PPEF1: variants seen among roughly 807,000 people sequenced by gnomAD.
PPEF1 encodes serine/threonine-protein phosphatase with EF-hands 1.
A neutral mutation model predicts 53.3 loss-of-function variants in PPEF1; 12 were observed. The observed-to-expected ratio is 0.23, with a 90% confidence interval of 0.14 to 0.36. The LOEUF is 0.36. PPEF1 is among the 10% of genes least tolerant of loss of function. The pLI is 1.00. For synonymous variants in PPEF1, 165 were observed against 176.7 expected (o/e 0.93, Z 0.52); for missense variants, 334 against 490.4 (o/e 0.68, Z 3.01).
intron 2 of PPEF1, among the ~76,000 whole-genome samples, chrX:18,730,898 A>G (rs755833569): frequency 9.0e-6 from 1 of 111,049 alleles, no homozygotes; most frequent in Non-Finnish European, 1.9e-5. Flanking sequence ...AATTTTTAGT[A>G]GAGACAGGGT....
chrX:18,820,680 T>C (rs977149686), intron 13 of PPEF1, among the ~76,000 whole-genome samples: 1 of 110,321 alleles, frequency 9.1e-6, no homozygotes, highest in Non-Finnish European at 1.9e-5. Context: ...CCACCGCGCC[T>C]GGCCAGCAAA....
chrX:18,683,244 A>G (rs2147225106), intron 1 of PPEF1, among the ~76,000 whole-genome samples: 1 of 111,721 alleles, frequency 9.0e-6, no homozygotes, highest in South Asian at 3.8e-4. Context: ...GGGAGCCAGT[A>G]GTTCTCATGT....
chrX:18,713,691 A>C (rs957780024), intron 1 of PPEF1, among the ~76,000 whole-genome samples: 2 of 111,537 alleles, frequency 1.8e-5, no homozygotes, highest in African/African-American at 6.5e-5. Context: ...AAAGCAGTTG[A>C]AAATAATGAA....
chrX:18,816,864 G>A (rs995275593), intron 12 of PPEF1, among the ~76,000 whole-genome samples: 1 of 111,330 alleles, frequency 9.0e-6, no homozygotes, highest in Non-Finnish European at 1.9e-5. Context: ...CAGGCTTGCC[G>A]TTTGCATGGA....
chrX:18,765,979 C>T (rs898006107), intron 6 of PPEF1, among the ~76,000 whole-genome samples: 2 of 104,598 alleles, frequency 1.9e-5, no homozygotes, highest in Admixed American at 1.1e-4. Context: ...GCAGGAGAAT[C>T]GCTTGAACCC....
chrX:18,721,098 G>C lies in PPEF1; in HGVS notation c.47-9083G>C, dbSNP rs185848293. On this transcript the variant is annotated intron_variant, in intron 1 of 15. Coordinates refer to ENST00000470157, the MANE Select transcript of PPEF1 (RefSeq NM_001377996.1). ...TATTACATGGATATACTGCGTGGTGGTGAAGTCTGAGCCAGCCCTCTCTTG... is the reference window on the plus strand; with the variant it reads ...TATTACATGGATATACTGCGTGGTGCTGAAGTCTGAGCCAGCCCTCTCTTG... 2.5e-4 allele frequency among the ~76,000 whole-genome samples: 28 copies of C among 111,711 alleles called. No homozygotes were observed. In the East Asian group the frequency reaches 7.1e-3, roughly 28 times the overall value.
At chrX:18,693,080 C>T (rs1929498693) in intron 4 of PPEF1, among the ~76,000 whole-genome samples, 1 of 112,147 alleles carries the variant, frequency 8.9e-6, no homozygotes. Context: ...TGGAAAATTA[C>T]ATCAGGCAAC....
At chrX:18,724,446 C>A (rs1268252376) in intron 1 of PPEF1, among the ~76,000 whole-genome samples, 2 of 111,679 alleles carry the variant, frequency 1.8e-5, no homozygotes, top group Non-Finnish European at 3.8e-5. Context: ...ATAGTGATTG[C>A]CACCAGAGAA....
At chrX:18,773,436 T>C (rs751085626) in intron 6 of PPEF1, among the ~76,000 whole-genome samples, 1 of 111,895 alleles carries the variant, frequency 8.9e-6, no homozygotes, top group Admixed American at 9.5e-5. Flanking sequence ...CTTTTTAATG[T>C]ATATTTCTCA....
intron 6 of PPEF1, among the ~76,000 whole-genome samples, chrX:18,772,695 G>T (rs1775343716): frequency 2.7e-5 from 3 of 112,196 alleles, no homozygotes; most frequent in Admixed American, 9.5e-5. Context: ...AGTTTCTGTG[G>T]GTCAGAAATT....
At chrX:18,811,601 ATATATATATATATATT>A (rs2046805618) in intron 12 of PPEF1, among the ~76,000 whole-genome samples, 1 of 76,993 alleles carries the variant, frequency 1.3e-5, no homozygotes, top group African/African-American at 5.1e-5. Flanking sequence ...ATATATATAT[ATATATATATATATATT>A]TTTTTTTTTT....
intron 3 of PPEF1, among the ~76,000 whole-genome samples, chrX:18,687,880 G>C (rs1247119885): frequency 9.1e-6 from 1 of 109,914 alleles, no homozygotes. Flanking sequence ...GTAGAGACGG[G>C]GCTTTACCAT....
chrX:18,740,441 G>A (rs191767072), intron 3 of PPEF1, among the ~76,000 whole-genome samples: 4 of 102,593 alleles, frequency 3.9e-5, no homozygotes, highest in South Asian at 4.4e-4. Context: ...ACAGAGTCTC[G>A]CTCTGTTTCC....
At chrX:18,773,556 A>G (rs1421821287) in intron 6 of PPEF1, among the ~76,000 whole-genome samples, 1 of 111,654 alleles carries the variant, frequency 9.0e-6, no homozygotes, top group South Asian at 3.7e-4. Context: ...TATATTTGAA[A>G]TTTTTTCTTC....
chrX:18,701,879 T>C (rs757841848), intron 6 of PPEF1, among the ~76,000 whole-genome samples: 32 of 112,643 alleles, frequency 2.8e-4, no homozygotes, highest in Non-Finnish European at 4.9e-4. Context: ...CAGGCCACGC[T>C]GTTTCCTGAT....
intron 12 of PPEF1, among the ~76,000 whole-genome samples, chrX:18,811,613 ATATTT>A (rs1410596165): frequency 3.3e-4 from 4 of 12,256 alleles, no homozygotes; most frequent in African/African-American, 1.0e-3. Flanking sequence ...ATATATATAT[ATATTT>A]TTTTTTTTTT....
intron 1 of PPEF1, 105 bp from the exon 2 acceptor site, chrX:18,730,076 A>T: frequency 1.2e-6 from 1 of 820,649 alleles, no homozygotes; most frequent in Non-Finnish European, 1.7e-6. Flanking sequence ...CTTAGAACCT[A>T]GGAATCCAGG....
chrX:18,711,069 T>G (rs760838407), intron 1 of PPEF1, among the ~76,000 whole-genome samples: 1 of 83,028 alleles, frequency 1.2e-5, no homozygotes, highest in South Asian at 7.4e-4. Flanking sequence ...CATATATATA[T>G]GTATATATAT....
intron 10 of PPEF1, 46 bp downstream of exon 10, chrX:18,789,319 G>A (rs367669207): frequency 7.6e-5 from 86 of 1,129,306 alleles, no homozygotes; most frequent in Admixed American, 2.5e-4. Context: ...TGACACTAGC[G>A]TGCATGTTGT....
Sources: gnomAD v4.1 joint callset for allele counts (sites outside exome capture counted in the v4.1 genomes callset) on GRCh38, gnomAD v4.1.1 for gene constraint, MANE v1.5 for transcripts, NCBI Gene and HGNC (gene_info 2026-07-23, HGNC 2026-07-21) for gene names.